Variants in WFDC12 observed in about 807,000 individuals in gnomAD.
WFDC12 encodes the protein WAP four-disulfide core domain 12.
WFDC12 carries 4 observed loss-of-function variants against 7.3 expected under a neutral mutation model. The ratio of observed to expected loss-of-function variants is 0.55; its 90% CI spans 0.27 to 1.25. The LOEUF (loss-of-function observed/expected upper bound fraction) is 1.25. Among genes scored for constraint, WFDC12 ranks in the 50% most tolerant of loss-of-function variants. The pLI, the probability that WFDC12 is intolerant of heterozygous loss-of-function variation, is 0.12. For missense variants in WFDC12, 156 were observed against 134.4 expected (o/e 1.16, Z -0.80); for synonymous variants, 48 against 49.5 (o/e 0.97, Z 0.13).
rs781277655 is a variant in WFDC12, at chr20:45,124,161, A to T, written c.184T>A (p.Cys62Ser). 5 of 1,614,060 alleles carry T rather than the reference A, an allele frequency of 3.1e-6. No homozygotes were observed. The South Asian group carries it at 4.4e-5, about 14-fold the overall frequency. The change falls in exon 2 of 3, where the codon TGT becomes AGT. Residue 62 changes from cysteine (C) to serine (S), a missense_variant. Physicochemically the swap from Cys to Ser is moderately radical, Grantham distance 112 (BLOSUM62 -1). Coordinates refer to ENST00000372785, the MANE Select transcript of WFDC12 (RefSeq NM_080869.2). The stretch of plus-strand genomic sequence containing the variant: ...CACTTGAAGCCACAGTGCAGGTAAC[A>T]ACACTTCCTTTCCCCCAGACAGTCC... ...DQDCLGERKC[C>S]YLHCGFKCVI... is the part of the protein sequence containing the mutation.
chr20:45,123,867 A>G lies in WFDC12; in HGVS notation c.315T>C (p.Ser105=). 2 of 1,613,294 alleles carry G rather than the reference A, an allele frequency of 1.2e-6. No individual in the cohort carries two copies. Among genetic ancestry groups the G allele is most frequent in the Non-Finnish European group, 1.7e-6 (2 of 1,180,010 alleles). ...GWEAKCPGSS[S]TRCPQK ...AGCATCATTTCTGAGGACACCTGGTAGAGGAGGAGCCTGGACACTTGGCCT... is the reference window on the plus strand; with the variant it reads ...AGCATCATTTCTGAGGACACCTGGTGGAGGAGGAGCCTGGACACTTGGCCT... The change falls in exon 3 of 3, where the codon TCT becomes TCC. Residue 105 remains serine, a synonymous_variant. Coordinates refer to ENST00000372785, the MANE Select transcript of WFDC12 (RefSeq NM_080869.2).
At position 45,123,802 on chromosome 20, in the gene WFDC12, G is replaced by C. The variant is rs780988669; in HGVS notation, c.*44C>G. ...CCAAGTCTCAGGACCCTCAGGGGCAGGTGCCAAGTGAGAGTGACCCCCAGA... is the reference window on the plus strand; with the variant it reads ...CCAAGTCTCAGGACCCTCAGGGGCACGTGCCAAGTGAGAGTGACCCCCAGA... On this transcript the variant is annotated 3_prime_UTR_variant, in exon 3 of 3. Transcript: ENST00000372785. The C allele has an allele frequency of 2.5e-6, 4 of 1,590,682 alleles. No individual in the cohort carries two copies. The highest frequency in any genetic ancestry group is 1.3e-5 in the African/African-American group (1 of 74,522).
chr20:45,123,824 C>T lies in WFDC12; in HGVS notation c.*22G>A. ...GCAGGTGCCAAGTGAGAGTGACCCC[C>T]AGAGGTAGAAAGGACCCAGCATCAT... On this transcript the variant is annotated 3_prime_UTR_variant, in exon 3 of 3. Coordinates refer to ENST00000372785, the MANE Select transcript of WFDC12 (RefSeq NM_080869.2). 6.2e-7 allele frequency: 1 copy of T among 1,611,820 alleles called. No homozygotes were observed. Among genetic ancestry groups the T allele is most frequent in the African/African-American group, 1.3e-5 (1 of 74,948 alleles).
chr20:45,124,032 AT>A, intron 2 of WFDC12, 74 bp downstream of exon 2: 1 of 1,607,114 alleles, frequency 6.2e-7, no homozygotes. Flanking sequence ...AAAGGGACTA[AT>A]TCCTCCGAAC....
chr20:45,123,756 G>T lies in WFDC12; in HGVS notation c.*90C>A. ...AGCTCAGGTTTTCTTTGGTGGGGTT[G>T]GGTATTGCTTCTTCCATATTCCAAG... On this transcript the variant is annotated 3_prime_UTR_variant, in exon 3 of 3. Transcript: ENST00000372785. The T allele has an allele frequency of 1.5e-6, 2 of 1,304,916 alleles. No homozygotes were observed. The highest frequency in any genetic ancestry group is 2.2e-6 in the Non-Finnish European group (2 of 911,306). The allele number at this position is 1,304,916 out of a possible 1,614,324, so 80.8% of individuals were successfully genotyped here. A position where few individuals can be genotyped will look rare whatever the true frequency, so the allele number is the denominator to read the frequency against.
rs778051159 is a variant in WFDC12, at chr20:45,124,188, G to A, written c.157C>T (p.Gln53Ter). 1 of 1,614,044 alleles carries A rather than the reference G, an allele frequency of 6.2e-7. No homozygotes were observed. The highest frequency in any genetic ancestry group is 8.5e-7 in the Non-Finnish European group (1 of 1,180,034). The stretch of plus-strand genomic sequence containing the variant: ...CACTTCCTTTCCCCCAGACAGTCCT[G>A]GTCTGTGTGACACTGGGGAGGATCG... ...KSDPPQCHTD[Q>*]DCLGERKCCY... The change falls in exon 2 of 3, where the codon CAG becomes TAG. Residue 53 changes from glutamine to a stop codon, truncating the protein, a stop_gained. Transcript: ENST00000372785. LOFTEE classifies it high-confidence loss of function.
Position 45,124,381 on chromosome 20 carries a change from C to T in WFDC12, c.67G>A (p.Gly23Arg), listed in dbSNP as rs6073652. 2 of 1,614,234 alleles carry T rather than the reference C, an allele frequency of 1.2e-6. No homozygotes were observed. Among genetic ancestry groups the T allele is most frequent in the South Asian group, 1.1e-5 (1 of 91,086 alleles). ...LVLVTLVAVEGVKEGIEKAGV... is the reference protein window; with the variant it reads ...LVLVTLVAVERVKEGIEKAGV... ...CATGTCTGCTCACCCTCTTTAACTC[C>T]TTCCACAGCCACCAGGGTCACAAGA... Residue 23 changes from glycine (G) to arginine (R), a missense_variant, in exon 1 of 3, where the codon GGA becomes AGA. Gly to Arg is a moderately radical substitution (Grantham distance 125). Coordinates refer to ENST00000372785, the MANE Select transcript of WFDC12 (RefSeq NM_080869.2).
chr20:45,124,319 C>T, intron 1 of WFDC12, 50 bp downstream of exon 1: 1 of 1,614,042 alleles, frequency 6.2e-7, no homozygotes, highest in Non-Finnish European at 8.5e-7. Flanking sequence ...GAGGGCCCCT[C>T]AGGACCTCTC....
intron 2 of WFDC12, 36 bp downstream of exon 2, chr20:45,124,071 G>A: frequency 6.2e-7 from 1 of 1,613,096 alleles, no homozygotes; most frequent in South Asian, 1.1e-5. Context: ...AGGCAGGGAA[G>A]GGACAGCCCC....
At chr20:45,124,296 A>G in intron 1 of WFDC12, 31 bp from the exon 2 acceptor site, 1 of 1,613,992 alleles carries the variant, frequency 6.2e-7, no homozygotes, top group Admixed American at 1.7e-5. Context: ...GTGATATGAG[A>G]ACTCCAGCCC....
At position 45,124,094 on chromosome 20, in the gene WFDC12, C is replaced by G; in HGVS notation, c.238+13G>C. 6.2e-7 allele frequency: 1 copy of G among 1,613,748 alleles called. No homozygotes were observed. Among genetic ancestry groups the G allele is most frequent in the South Asian group, 1.1e-5 (1 of 91,000 alleles). ...AAGGGACAGCCCCAGCCCTGGGAGG[C>G]AGGTCTCCTTACCTTCTTCCAGTTC... On this transcript the variant is annotated intron_variant, in intron 2 of 2. Transcript: ENST00000372785.
Position 45,123,821 on chromosome 20 carries a change from C to T in WFDC12, c.*25G>A, listed in dbSNP as rs964193912. 3.7e-6 allele frequency: 6 copies of T among 1,610,992 alleles called. No homozygotes were observed. The African/African-American group carries it at 8.0e-5, about 22-fold the overall frequency. On this transcript the variant is annotated 3_prime_UTR_variant, in exon 3 of 3. Coordinates refer to ENST00000372785, the MANE Select transcript of WFDC12 (RefSeq NM_080869.2). ...GGGGCAGGTGCCAAGTGAGAGTGAC[C>T]CCCAGAGGTAGAAAGGACCCAGCAT...
chr20:45,124,059 A>G (rs2145536043), intron 2 of WFDC12, 48 bp downstream of exon 2: 1 of 1,612,424 alleles, frequency 6.2e-7, no homozygotes, highest in Non-Finnish European at 8.5e-7. Flanking sequence ...TGGGTCAGAT[A>G]GAGGCAGGGA....
chr20:45,124,344 A>T (rs1981938165), intron 1 of WFDC12, 25 bp downstream of exon 1: 2 of 1,609,324 alleles, frequency 1.2e-6, no homozygotes, highest in African/African-American at 1.3e-5. Flanking sequence ...GCCCAGCCCC[A>T]CCCAGCTCCA....
rs1198275601 is a variant in WFDC12 at position 45,124,097 on chromosome 20, GTCTCCTTACCT to G, written c.237_238+9del. 6.2e-6 allele frequency: 10 copies of G among 1,613,752 alleles called. No homozygotes were observed. Among genetic ancestry groups the G allele is most frequent in the Non-Finnish European group, 8.5e-6 (10 of 1,179,936 alleles). On this transcript the variant is annotated splice_donor_variant and splice_donor_5th_base_variant and coding_sequence_variant and intron_variant, in exon 2 of 3. Transcript: ENST00000372785. LOFTEE classifies it high-confidence loss of function. The stretch of plus-strand genomic sequence containing the variant: ...GGACAGCCCCAGCCCTGGGAGGCAG[GTCTCCTTACCT>G]TCTTCCAGTTCCTTCACAGGAATCA...
chr20:45,123,930 A>G lies in WFDC12; in HGVS notation c.252T>C (p.Asp84=), dbSNP rs562822225. 208 of 1,612,460 alleles carry G rather than the reference A, an allele frequency of 1.3e-4. No homozygotes were observed. In the South Asian group the frequency reaches 1.9e-3, roughly 15 times the overall value. The change falls in exon 3 of 3, where the codon GAT becomes GAC. Residue 84 remains aspartate (D), a synonymous_variant. Coordinates refer to ENST00000372785, the MANE Select transcript of WFDC12 (RefSeq NM_080869.2). ...VKELEEGGNK[D]EDVSRPYPEP... is the part of the protein sequence containing the mutation. The stretch of plus-strand genomic sequence containing the variant: ...CAGGGTATGGCCTTGACACATCTTC[A>G]TCCTTGTTTCCTCCTTTGGACAATG...
rs1600615969 is a variant in WFDC12, at chr20:45,124,264, A to G, written c.81T>C (p.Gly27=). The part of the protein sequence containing the change: ...TLVAVEGVKE[G]IEKAGVCPAD... ...CTGGGCAAACCCCTGCTTTCTCTAT[A>G]CCTAGTGGAGGAAGCCACAAGGTGA... Residue 27 remains glycine, a splice_region_variant and synonymous_variant, in exon 2 of 3, where the codon GGT becomes GGC. Transcript: ENST00000372785. The G allele has an allele frequency of 6.2e-7, 1 of 1,613,812 alleles. No homozygotes were observed. Among genetic ancestry groups the G allele is most frequent in the Non-Finnish European group, 8.5e-7 (1 of 1,179,954 alleles).
rs779934839 is a variant in WFDC12, at chr20:45,124,153, C to G, written c.192G>C (p.Leu64=). ...DCLGERKCCY[L]HCGFKCVIPV... ...GAATCACACACTTGAAGCCACAGTG[C>G]AGGTAACAACACTTCCTTTCCCCCA... is the stretch of plus-strand genomic sequence containing the variant. The change falls in exon 2 of 3, where the codon CTG becomes CTC. Residue 64 remains leucine (L), a synonymous_variant. Transcript: ENST00000372785. The G allele has an allele frequency of 6.8e-6, 11 of 1,614,108 alleles. No homozygotes were observed. Among genetic ancestry groups the G allele is most frequent in the Middle Eastern group, 1.6e-4 (1 of 6,080 alleles).
rs781277655 is a variant in WFDC12 at position 45,124,161 on chromosome 20, A to G, written c.184T>C (p.Cys62Arg). 6.2e-7 allele frequency: 1 copy of G among 1,614,060 alleles called. No homozygotes were observed. Among genetic ancestry groups the G allele is most frequent in the Non-Finnish European group, 8.5e-7 (1 of 1,180,040 alleles). ...CACTTGAAGCCACAGTGCAGGTAAC[A>G]ACACTTCCTTTCCCCCAGACAGTCC... is the stretch of plus-strand genomic sequence containing the variant. ...DQDCLGERKCCYLHCGFKCVI... is the reference protein window; with the variant it reads ...DQDCLGERKCRYLHCGFKCVI... Residue 62 changes from cysteine to arginine, a missense_variant, in exon 2 of 3, where the codon TGT (cysteine) becomes CGT (arginine). Cys to Arg is a radical substitution (Grantham distance 180, BLOSUM62 -3). Coordinates refer to ENST00000372785, the MANE Select transcript of WFDC12 (RefSeq NM_080869.2).
Sources: gnomAD v4.1 joint callset for allele counts on GRCh38, gnomAD v4.1.1 for gene constraint, MANE v1.5 for transcripts, NCBI Gene and HGNC (gene_info 2026-07-23, HGNC 2026-07-21) for gene names.